ZNF66: variants seen among roughly 807,000 people sequenced by gnomAD.
ZNF66 encodes putative zinc finger protein 66.
Under a neutral mutation model 35.2 loss-of-function variants are expected in ZNF66, and 32 were observed. The ratio of observed to expected loss-of-function variants is 0.91; its 90% CI spans 0.69 to 1.22. The LOEUF is 1.22. Ranked by LOEUF, ZNF66 falls within the 50% of genes most tolerant of loss-of-function variation. The pLI is 0.00. For missense variants in ZNF66, 666 were observed against 543.1 expected (o/e 1.23, Z -2.25); for synonymous variants, 231 against 181.3 (o/e 1.27, Z -2.20).
chr19:20,808,771 G>C lies in ZNF66; in HGVS notation c.*1449G>C, dbSNP rs993215997. Among the ~76,000 whole-genome samples, 15 of 151,054 alleles carry C rather than the reference G, an allele frequency of 9.9e-5. 1 individual carries two copies. Among genetic ancestry groups the C allele is most frequent in the Admixed American group, 7.9e-4 (12 of 15,170 alleles). On this transcript the variant is annotated 3_prime_UTR_variant, in exon 4 of 4. Transcript: ENST00000344519. ...AAAAACAGAGCAGAAAAACTGGAAAGTCTAAAAAGCAGAGCACCTCTCCTC... is the reference window on the plus strand; with the variant it reads ...AAAAACAGAGCAGAAAAACTGGAAACTCTAAAAAGCAGAGCACCTCTCCTC...
At chr19:20,795,961 C>A (rs1200711122) in intron 3 of ZNF66, among the ~76,000 whole-genome samples, 1 of 152,128 alleles carries the variant, frequency 6.6e-6, no homozygotes, top group South Asian at 2.1e-4. Context: ...AGTTTCCCAC[C>A]TGACTAAGGG....
At chr19:20,790,931 A>G (rs1164746484) in intron 1 of ZNF66, among the ~76,000 whole-genome samples, 1 of 152,152 alleles carries the variant, frequency 6.6e-6, no homozygotes, top group Non-Finnish European at 1.5e-5. Context: ...ACGTGTCTGA[A>G]AAGTATTTCT....
At chr19:20,791,355 G>A (rs1161440440) in intron 1 of ZNF66, among the ~76,000 whole-genome samples, 1 of 151,962 alleles carries the variant, frequency 6.6e-6, no homozygotes, top group African/African-American at 2.4e-5. Context: ...CGTGATGGCA[G>A]GCACCTGTAA....
Position 20,779,092 on chromosome 19 carries a change from C to T in ZNF66, c.3+2642C>T, listed in dbSNP as rs554110694. ...ACAGAGCCCTGGAAAGCTGGGGTCCCACAGGCAGATGCAGTTGAGGTTAAG... is the reference window on the plus strand; with the variant it reads ...ACAGAGCCCTGGAAAGCTGGGGTCCTACAGGCAGATGCAGTTGAGGTTAAG... On this transcript the variant is annotated intron_variant, in intron 1 of 3. Coordinates refer to ENST00000344519, the MANE Select transcript of ZNF66 (RefSeq NM_001355197.2). Among the ~76,000 whole-genome samples, 113 of 152,234 alleles carry T rather than the reference C, an allele frequency of 7.4e-4. 4 individuals are homozygous for T. In the South Asian group the frequency reaches 0.023, roughly 31 times the overall value.
rs1362038070 is a variant in ZNF66, at chr19:20,807,132, G to A, written c.1532G>A (p.Cys511Tyr). Reference sequence around the variant, plus strand: ...CATACTGCAGATAAACCCTACAAATGTGAAGAATGTGGCAAAGACTTTAAG... The same window carrying A: ...CATACTGCAGATAAACCCTACAAATATGAAGAATGTGGCAAAGACTTTAAG... ...RIHTADKPYK[C>Y]EECGKDFKYS... The change falls in exon 4 of 4, where the codon TGT (cysteine) becomes TAT (tyrosine). Residue 511 changes from cysteine to tyrosine, a missense_variant. By Grantham distance (194) the Cys-to-Tyr change is radical. Coordinates refer to ENST00000344519, the MANE Select transcript of ZNF66 (RefSeq NM_001355197.2). 1.3e-6 allele frequency: 1 copy of A among 796,476 alleles called. No homozygotes were observed. Among genetic ancestry groups the A allele is most frequent in the Admixed American group, 1.9e-5 (1 of 53,690 alleles). The allele number at this position is 796,476 out of a possible 1,614,324, so 49.3% of individuals were successfully genotyped here. A position where few individuals can be genotyped will look rare whatever the true frequency, so the allele number is the denominator to read the frequency against.
chr19:20,792,688 T>C, intron 2 of ZNF66, 50 bp downstream of exon 2: 1 of 1,051,096 alleles, frequency 9.5e-7, no homozygotes, highest in South Asian at 1.6e-5. Flanking sequence ...ATTGTTTTAT[T>C]TCTCTTTTTT....
intron 1 of ZNF66, among the ~76,000 whole-genome samples, chr19:20,776,896 C>G (rs1971200364): frequency 6.6e-6 from 1 of 152,200 alleles, no homozygotes; most frequent in South Asian, 2.1e-4. Flanking sequence ...GGGCGGATCA[C>G]TTGAGGTCAG....
chr19:20,784,083 C>T (rs1971266751), intron 1 of ZNF66, among the ~76,000 whole-genome samples: 1 of 152,106 alleles, frequency 6.6e-6, no homozygotes, highest in Non-Finnish European at 1.5e-5. Flanking sequence ...ATCTTGAACT[C>T]CTGACCTCAA....
rs767369481 is a variant in ZNF66, at chr19:20,806,256, A to G, written c.656A>G (p.His219Arg). The G allele has an allele frequency of 2.7e-5, 39 of 1,455,318 alleles. No individual in the cohort carries two copies. In the African/African-American group the frequency reaches 3.1e-4, roughly 11 times the overall value. The allele number at this position is 1,455,318 out of a possible 1,614,324, so 90.2% of individuals were successfully genotyped here. A position where few individuals can be genotyped will look rare whatever the true frequency, so the allele number is the denominator to read the frequency against. Residue 219 changes from histidine to arginine, a missense_variant, in exon 4 of 4, where the codon CAT becomes CGT. Coordinates refer to ENST00000344519, the MANE Select transcript of ZNF66 (RefSeq NM_001355197.2). ...AACCGGTCCTCACACCTTACTACAC[A>G]TAAGATAATTCATACTGGAGAGAAA... The part of the protein sequence containing the change: ...AFNRSSHLTT[H>R]KIIHTGEKRY...
In ZNF66 at chr19:20,806,698, G is replaced by T; in HGVS notation, c.1098G>T (p.Glu366Asp). Reference sequence around the variant, plus strand: ...AACATAAAATAATCCATACTGGAGAGAAACCCTACAAATGTGAAGAATGTG... The same window carrying T: ...AACATAAAATAATCCATACTGGAGATAAACCCTACAAATGTGAAGAATGTG... ...LTKHKIIHTG[E>D]KPYKCEECGE... The change falls in exon 4 of 4, where the codon GAG (glutamate) becomes GAT (aspartate). Residue 366 changes from glutamate (E) to aspartate (D), a missense_variant. By Grantham distance (45) the Glu-to-Asp change is conservative. Coordinates refer to ENST00000344519, the MANE Select transcript of ZNF66 (RefSeq NM_001355197.2). 6.8e-7 allele frequency: 1 copy of T among 1,466,862 alleles called. No individual in the cohort carries two copies. The highest frequency in any genetic ancestry group is 9.5e-7 in the Non-Finnish European group (1 of 1,048,510). The allele number at this position is 1,466,862 out of a possible 1,614,324, so 90.9% of individuals were successfully genotyped here.
intron 1 of ZNF66, among the ~76,000 whole-genome samples, chr19:20,791,502 A>G (rs1247424464): frequency 1.6e-4 from 24 of 146,084 alleles, no homozygotes; most frequent in Admixed American, 1.2e-3. Flanking sequence ...AAAAAAAAAA[A>G]AAAGAAAATT....
At chr19:20,788,911 C>T (rs547888313) in intron 1 of ZNF66, among the ~76,000 whole-genome samples, 23 of 151,786 alleles carry the variant, frequency 1.5e-4, no homozygotes, top group African/African-American at 4.6e-4. Context: ...ATTAGCTGGG[C>T]GTGGTGGCAC....
At chr19:20,794,155 T>C in intron 3 of ZNF66, 1 of 508,630 alleles carries the variant, frequency 2.0e-6, no homozygotes. Flanking sequence ...CTTCATGACA[T>C]ATAAGAGACA....
At chr19:20,795,731 G>A (rs530120717) in intron 3 of ZNF66, among the ~76,000 whole-genome samples, 1 of 152,256 alleles carries the variant, frequency 6.6e-6, no homozygotes, top group African/African-American at 2.4e-5. Flanking sequence ...CTGAAACTGA[G>A]TCATAGAACC....
chr19:20,803,581 T>C (rs1971471797), intron 3 of ZNF66, among the ~76,000 whole-genome samples: 1 of 152,116 alleles, frequency 6.6e-6, no homozygotes, highest in East Asian at 1.9e-4. Context: ...CTATAGTTTT[T>C]ATCTTTTAAA....
At chr19:20,776,481 GGT>G in intron 1 of ZNF66, 31 bp downstream of exon 1, 1 of 1,534,436 alleles carries the variant, frequency 6.5e-7, no homozygotes, top group Non-Finnish European at 9.0e-7. Context: ...TCCCGAGAGA[GGT>G]GAAGTGTCTG....
At chr19:20,787,888 G>A (rs1971302596) in intron 1 of ZNF66, among the ~76,000 whole-genome samples, 1 of 152,194 alleles carries the variant, frequency 6.6e-6, no homozygotes, top group Non-Finnish European at 1.5e-5. Flanking sequence ...TTTAGAATCA[G>A]CCTGAGTCTC....
intron 3 of ZNF66, among the ~76,000 whole-genome samples, chr19:20,798,209 C>CA (rs913676545): frequency 7.3e-5 from 11 of 151,404 alleles, no homozygotes; most frequent in African/African-American, 2.4e-4. Flanking sequence ...AGGTAATTTT[C>CA]AAAAAAATAT....
At chr19:20,791,485 CAAA>C (rs35269524) in intron 1 of ZNF66, among the ~76,000 whole-genome samples, 9 of 57,330 alleles carry the variant, frequency 1.6e-4, no homozygotes, top group Admixed American at 3.6e-4. Context: ...GACTTAATCT[CAAA>C]AAAAAAAAAA....
Sources: allele counts gnomAD v4.1 joint callset (sites outside exome capture counted in the v4.1 genomes callset), GRCh38; gene constraint gnomAD v4.1.1; transcripts MANE v1.5; gene names NCBI Gene and HGNC (gene_info 2026-07-23, HGNC 2026-07-21).